USP9Y: variants seen among roughly 807,000 people sequenced by gnomAD.
USP9Y encodes the protein ubiquitin specific peptidase 9 Y-linked.
In USP9Y, 41 loss-of-function variants were observed where a neutral mutation model predicts 53.1. The observed-to-expected ratio is 0.77, with a 90% CI of 0.60 to 1.00. USP9Y has a LOEUF of 1.00. Among genes scored for constraint, USP9Y ranks in the 50% least tolerant of loss-of-function variants. The pLI is 0.00. For synonymous variants in USP9Y, 220 were observed against 173.7 expected, an observed-to-expected ratio of 1.27 and a Z score of -2.09; for missense variants, 567 against 535.8, an observed-to-expected ratio of 1.06 and a Z score of -0.58.
intron 15 of USP9Y, among the ~76,000 whole-genome samples, chrY:12,766,697 G>A: frequency 3.0e-5 from 1 of 33,375 alleles, no homozygotes; most frequent in Admixed American, 2.7e-4. Context: ...AATGTCCTCT[G>A]TGCCTTTTTT....
At chrY:12,747,435 A>G (rs2053461433) in intron 12 of USP9Y, among the ~76,000 whole-genome samples, 1 of 33,772 alleles carries the variant, frequency 3.0e-5, no homozygotes, top group Non-Finnish European at 7.3e-5. Flanking sequence ...TCTTTCATGC[A>G]TGCACCAAGA....
intron 15 of USP9Y, among the ~76,000 whole-genome samples, chrY:12,765,611 C>T: frequency 9.3e-5 from 3 of 32,324 alleles, no homozygotes; most frequent in African/African-American, 2.5e-4. Flanking sequence ...ACTGCACATG[C>T]GAGCTCTCTA....
intron 45 of USP9Y, among the ~76,000 whole-genome samples, chrY:12,858,724 T>C: frequency 3.0e-5 from 1 of 33,367 alleles, no homozygotes; most frequent in Non-Finnish European, 7.4e-5. Flanking sequence ...TCCAAGACTT[T>C]TTTATTTTAG....
At position 12,777,125 on chromosome Y, in the gene USP9Y, A is replaced by G. The variant is rs202125084; in HGVS notation, c.2639+265A>G. Reference sequence around the variant, plus strand: ...TCTTTTATTTTTCCAAGTTGTTATCATTCCTTAAGTGTGATAGAGTTATTT... The same window carrying G: ...TCTTTTATTTTTCCAAGTTGTTATCGTTCCTTAAGTGTGATAGAGTTATTT... On this transcript the variant is annotated intron_variant, in intron 19 of 45. Coordinates refer to ENST00000338981, the MANE Select transcript of USP9Y (RefSeq NM_004654.4). Among the ~76,000 whole-genome samples the G allele has an allele frequency of 7.0e-4, 23 of 32,921 alleles. No homozygotes were observed. In the East Asian group the frequency reaches 0.016, roughly 23 times the overall value. 88.3% of individuals were successfully genotyped at this position (32,921 alleles called of 37,273 possible).
At position 12,701,309 on chromosome Y, in the gene USP9Y, T is replaced by TA. The variant is rs2053415847; in HGVS notation, c.-866dup. On this transcript the variant is annotated 5_prime_UTR_variant, in exon 1 of 46. An upstream open reading frame in the 5' UTR gains an earlier in-frame stop. Transcript: ENST00000338981. Reference sequence around the variant, plus strand: ...ATAAAACCTAATGAAACAATGTTTTTATAGATGGTGTGGAAAGACTTTTCT... The same window carrying TA: ...ATAAAACCTAATGAAACAATGTTTTTAATAGATGGTGTGGAAAGACTTTTCT... 2.9e-5 allele frequency: 1 copy of TA among 34,485 alleles called. No homozygotes were observed. The highest frequency in any genetic ancestry group is 1.1e-4 in the African/African-American group (1 of 8,855). 8.6% of individuals were successfully genotyped at this position (34,485 alleles called of 400,897 possible).
At chrY:12,751,010 T>G in intron 12 of USP9Y, among the ~76,000 whole-genome samples, 2 of 30,264 alleles carry the variant, frequency 6.6e-5, no homozygotes, top group Admixed American at 6.1e-4. Context: ...TATTTATTTT[T>G]TTTTTTTGAG....
chrY:12,735,764 G>A (rs1472815096), intron 8 of USP9Y, 37 bp downstream of exon 8: 2 of 305,822 alleles, frequency 6.5e-6, no homozygotes, highest in Non-Finnish European at 9.8e-6. Context: ...ATAATTTCAT[G>A]TTTGTTCAAA....
rs1195346867 is a variant in USP9Y, at chrY:12,778,074, C to G, written c.2695C>G (p.Gln899Glu). The change falls in exon 20 of 46, where the codon CAG (glutamine) becomes GAG (glutamate). Residue 899 changes from glutamine (Q) to glutamate (E), a missense_variant. By Grantham distance (29) the Gln-to-Glu change is conservative. Coordinates refer to ENST00000338981, the MANE Select transcript of USP9Y (RefSeq NM_004654.4). Reference protein sequence around the residue: ...LIVRFPNQGRQVDELDIWSHT... With the variant: ...LIVRFPNQGREVDELDIWSHT... ...AGTTCGGTTTCCAAACCAGGGCAGA[C>G]AGGTTGATGAGTTGGATATATGGTC... 5.0e-6 allele frequency: 2 copies of G among 396,972 alleles called. No homozygotes were observed. The highest frequency in any genetic ancestry group is 7.5e-5 in the Admixed American group (1 of 13,351).
At chrY:12,790,300 A>T in intron 24 of USP9Y, 107 bp from the exon 25 acceptor site, 1 of 222,503 alleles carries the variant, frequency 4.5e-6, no homozygotes, top group South Asian at 3.7e-5. Context: ...TAACATGCCG[A>T]GGAAGTGGTG....
chrY:12,841,676 A>G (rs2053561337), intron 37 of USP9Y, among the ~76,000 whole-genome samples: 1 of 30,228 alleles, frequency 3.3e-5, no homozygotes, highest in South Asian at 7.8e-4. Flanking sequence ...GATATCTTGT[A>G]TACAAAAAAA....
In USP9Y at chrY:12,709,443, C is replaced by A; in HGVS notation, c.-5C>A. ...AAAAGAGCAAAGATCTGTGCTGTGT[C>A]AAGTATGACAGCCATCACTCATGGC... On this transcript the variant is annotated 5_prime_UTR_variant, in exon 3 of 46. Transcript: ENST00000338981. The A allele has an allele frequency of 2.6e-6, 1 of 391,178 alleles. No individual in the cohort carries two copies. The highest frequency in any genetic ancestry group is 6.4e-5 in the African/African-American group (1 of 15,578).
intron 3 of USP9Y, among the ~76,000 whole-genome samples, chrY:12,719,135 A>G: frequency 2.9e-5 from 1 of 34,301 alleles, no homozygotes; most frequent in African/African-American, 1.1e-4. Flanking sequence ...GGTCAATTCT[A>G]TACAGTCCTC....
intron 30 of USP9Y, among the ~76,000 whole-genome samples, chrY:12,812,035 G>A: frequency 9.2e-5 from 3 of 32,721 alleles, no homozygotes; most frequent in African/African-American, 3.6e-4. Flanking sequence ...GGCCAGGCTG[G>A]TGTTGACCTC....
Position 12,841,022 on chromosome Y carries a change from T to G in USP9Y, c.6101T>G (p.Leu2034Trp). 7.6e-6 allele frequency: 3 copies of G among 394,350 alleles called. No individual in the cohort carries two copies. The highest frequency in any genetic ancestry group is 1.1e-5 in the Non-Finnish European group (3 of 279,795). The change falls in exon 37 of 46, where the codon TTG becomes TGG. Residue 2034 changes from leucine to tryptophan, a missense_variant. Transcript: ENST00000338981. ...YLNPAPGQDY[L>W]LPEAEEITMI... ...TTTTTATTTAAAGGGCAGGATTATTTGTTGCCTGAAGCAGAAGAAATTACT... is the reference window on the plus strand; with the variant it reads ...TTTTTATTTAAAGGGCAGGATTATTGGTTGCCTGAAGCAGAAGAAATTACT...
intron 19 of USP9Y, among the ~76,000 whole-genome samples, chrY:12,777,723 A>G: frequency 3.0e-5 from 1 of 33,063 alleles, no homozygotes; most frequent in Non-Finnish European, 7.5e-5. Flanking sequence ...TAACTGAAGC[A>G]TTATTCATGT....
intron 15 of USP9Y, among the ~76,000 whole-genome samples, chrY:12,769,733 G>A (rs1042298860): frequency 5.9e-5 from 2 of 33,646 alleles, no homozygotes; most frequent in Admixed American, 2.7e-4. Context: ...TGGCTTTTGT[G>A]TTGGAGTAAA....
intron 33 of USP9Y, among the ~76,000 whole-genome samples, chrY:12,821,167 TA>T (rs2053541299): frequency 3.0e-5 from 1 of 33,558 alleles, no homozygotes. Flanking sequence ...CCCTGCTCAT[TA>T]AAGAATCATT....
At chrY:12,748,431 T>G (rs2053462042) in intron 12 of USP9Y, among the ~76,000 whole-genome samples, 1 of 33,524 alleles carries the variant, frequency 3.0e-5, no homozygotes, top group African/African-American at 1.2e-4. Context: ...TTTTAGCTGG[T>G]TAAAGGCTTT....
intron 33 of USP9Y, among the ~76,000 whole-genome samples, chrY:12,829,348 A>C (rs2053549245): frequency 2.9e-5 from 1 of 34,446 alleles, no homozygotes; most frequent in Non-Finnish European, 7.3e-5. Flanking sequence ...GTCCCAGATC[A>C]TTTAATGAAA....
Sources: gnomAD v4.1 joint callset for allele counts (sites outside exome capture counted in the v4.1 genomes callset) on GRCh38, gnomAD v4.1.1 for gene constraint, MANE v1.5 for transcripts, NCBI Gene and HGNC (gene_info 2026-07-23, HGNC 2026-07-21) for gene names.